The following AUTS2 variants were observed in gnomAD, a reference collection of about 807,000 sequenced individuals.
The protein encoded by AUTS2 is activator of transcription and developmental regulator AUTS2.
Under a neutral mutation model 112.4 loss-of-function variants are expected in AUTS2, and 17 were observed. The ratio of observed to expected loss-of-function variants is 0.15; its 90% CI spans 0.10 to 0.23. The LOEUF is 0.23. Ranked by LOEUF, AUTS2 falls within the 10% of genes least tolerant of loss-of-function variation. The pLI is 1.00. For missense variants in AUTS2, 1,510 were observed against 1,701.6 expected (o/e 0.89, Z 1.98); for synonymous variants, 751 against 702.7 (o/e 1.07, Z -1.09).
intron 2 of AUTS2, among the ~76,000 whole-genome samples, chr7:69,904,403 A>G (rs1332817118): frequency 5.9e-5 from 9 of 152,224 alleles, no homozygotes; most frequent in Admixed American, 5.9e-4. Flanking sequence ...AGATCTGCTA[A>G]TTAGTTTTGG....
intron 6 of AUTS2, among the ~76,000 whole-genome samples, chr7:70,749,077 G>A (rs991988384): frequency 3.9e-5 from 6 of 152,144 alleles, no homozygotes; most frequent in African/African-American, 2.4e-5. Flanking sequence ...TCGTGAATAT[G>A]TTGTTTTTGG....
At chr7:70,354,586 T>TA (rs1791907969) in intron 4 of AUTS2, among the ~76,000 whole-genome samples, 1 of 152,172 alleles carries the variant, frequency 6.6e-6, no homozygotes, top group Non-Finnish European at 1.5e-5. Context: ...CAGCATCACA[T>TA]GGCTGGTAAG....
intron 1 of AUTS2, among the ~76,000 whole-genome samples, chr7:69,801,235 A>C (rs17353815): frequency 6.7e-6 from 1 of 149,138 alleles, no homozygotes; most frequent in Non-Finnish European, 1.5e-5. Flanking sequence ...CTAGTTGCCA[A>C]TTTCAGCATT....
At chr7:70,036,603 C>T (rs1035454506) in intron 2 of AUTS2, among the ~76,000 whole-genome samples, 1 of 152,236 alleles carries the variant, frequency 6.6e-6, no homozygotes, top group South Asian at 2.1e-4. Context: ...TTCTTCTCCA[C>T]AGTCCTTTGG....
chr7:70,673,764 C>G (rs975288011), intron 5 of AUTS2, among the ~76,000 whole-genome samples: 6 of 152,142 alleles, frequency 3.9e-5, no homozygotes, highest in African/African-American at 7.2e-5. Flanking sequence ...ATCTTTATAT[C>G]CTGGTGCCAA....
chr7:70,088,777 T>A (rs529419250), intron 2 of AUTS2, among the ~76,000 whole-genome samples: 12 of 152,166 alleles, frequency 7.9e-5, no homozygotes, highest in African/African-American at 2.9e-4. Context: ...CATGCCCAGC[T>A]AATTTTTTGT....
Position 69,716,315 on chromosome 7 carries a change from C to T in AUTS2, c.309+116353C>T, listed in dbSNP as rs1449823615. Reference sequence around the variant, plus strand: ...CTCTGTCACAATCACATTTTTTTTTCACACCGCATTCCACCCTACTAATAC... The same window carrying T: ...CTCTGTCACAATCACATTTTTTTTTTACACCGCATTCCACCCTACTAATAC... On this transcript the variant is annotated intron_variant, in intron 1 of 18. Transcript: ENST00000342771. 5.3e-5 allele frequency among the ~76,000 whole-genome samples: 8 copies of T among 151,364 alleles called. No individual in the cohort carries two copies. In the East Asian group the frequency reaches 9.7e-4, roughly 18 times the overall value.
chr7:69,849,071 A>ACTGGGGAAGCTGAGG (rs1246333817), intron 1 of AUTS2, among the ~76,000 whole-genome samples: 1 of 152,136 alleles, frequency 6.6e-6, no homozygotes, highest in African/African-American at 2.4e-5. Flanking sequence ...AGTCCCAGCT[A>ACTGGGGAAGCTGAGG]CTGGGGAAGC....
At chr7:70,198,297 A>G (rs1468958183) in intron 4 of AUTS2, among the ~76,000 whole-genome samples, 1 of 149,868 alleles carries the variant, frequency 6.7e-6, no homozygotes, top group African/African-American at 2.4e-5. Flanking sequence ...TCCTCCTCCA[A>G]AGGAACGCAG....
chr7:70,310,568 G>A (rs1191931222), intron 4 of AUTS2, among the ~76,000 whole-genome samples: 2 of 151,220 alleles, frequency 1.3e-5, no homozygotes, highest in African/African-American at 2.4e-5. Context: ...AGCAGAGGTC[G>A]AGCCACTGCA....
chr7:70,211,542 G>A (rs1269440289), intron 4 of AUTS2, among the ~76,000 whole-genome samples: 1 of 151,504 alleles, frequency 6.6e-6, no homozygotes, highest in Non-Finnish European at 1.5e-5. Flanking sequence ...CCAGCTACTC[G>A]GAAGGCTGAG....
chr7:69,600,489 A>G (rs1036165047), intron 1 of AUTS2, among the ~76,000 whole-genome samples: 10 of 133,946 alleles, frequency 7.5e-5, no homozygotes, highest in African/African-American at 2.8e-4. Context: ...CTGGAGACTG[A>G]TGGGGTTTTG....
chr7:70,497,557 T>A (rs1347755614), intron 5 of AUTS2, among the ~76,000 whole-genome samples: 1 of 152,238 alleles, frequency 6.6e-6, no homozygotes, highest in East Asian at 1.9e-4. Flanking sequence ...AATATCCTCA[T>A]GCATGTGGAG....
chr7:70,486,848 A>G (rs1217749903), intron 5 of AUTS2, among the ~76,000 whole-genome samples: 2 of 148,874 alleles, frequency 1.3e-5, no homozygotes, highest in Non-Finnish European at 1.5e-5. Context: ...TGGTGGTGGT[A>G]GTGGTGGTAG....
intron 5 of AUTS2, among the ~76,000 whole-genome samples, chr7:70,472,382 T>TTC (rs397727940): frequency 3.3e-5 from 5 of 151,078 alleles, no homozygotes; most frequent in Admixed American, 1.3e-4. Flanking sequence ...TTTTTTTTTT[T>TTC]CCCAGTACCG....
At position 70,790,742 on chromosome 7, in the gene AUTS2, G is replaced by A. The variant is rs1309460944; in HGVS notation, c.3526G>A (p.Asp1176Asn). 11 of 1,613,264 alleles carry A rather than the reference G, an allele frequency of 6.8e-6. No homozygotes were observed. Among genetic ancestry groups the A allele is most frequent in the South Asian group, 1.1e-5 (1 of 91,044 alleles). ...CCACTCCGTGCACCCCGCCTCCCTCGACGGACACCTCCCCCACCCCAGCCT... is the reference window on the plus strand; with the variant it reads ...CCACTCCGTGCACCCCGCCTCCCTCAACGGACACCTCCCCCACCCCAGCCT... The part of the protein sequence containing the change: ...RLHSVHPASL[D>N]GHLPHPSLIT... The change falls in exon 19 of 19, where the codon GAC becomes AAC. Residue 1176 changes from aspartate (D) to asparagine (N), a missense_variant. Transcript: ENST00000342771. This position sits in a 1 kb window ranked among gnomAD's most constrained non-coding sequence, Gnocchi z 7.6.
chr7:70,732,889 T>A (rs1395818563), intron 6 of AUTS2, among the ~76,000 whole-genome samples: 1 of 152,230 alleles, frequency 6.6e-6, no homozygotes, highest in Admixed American at 6.5e-5. Context: ...AACACACACT[T>A]GAGGTAGATG....
intron 6 of AUTS2, among the ~76,000 whole-genome samples, chr7:70,737,977 C>T (rs1787867619): frequency 6.6e-6 from 1 of 151,940 alleles, no homozygotes; most frequent in Non-Finnish European, 1.5e-5. Flanking sequence ...TGGGAATTTA[C>T]AAAGCCCTCT....
Position 69,792,485 on chromosome 7 carries a change from C to T in AUTS2, c.310-106801C>T, listed in dbSNP as rs189512187. On this transcript the variant is annotated intron_variant, in intron 1 of 18. Coordinates refer to ENST00000342771, the MANE Select transcript of AUTS2 (RefSeq NM_015570.4). The stretch of plus-strand genomic sequence containing the variant: ...CGATCTCCTGACCTCGTGATCCACC[C>T]GCCTCAGCTTCCCAAAGTGCTGGGA... Among the ~76,000 whole-genome samples the T allele has an allele frequency of 1.1e-3, 161 of 152,214 alleles. 1 individual carries two copies. Among genetic ancestry groups the T allele is most frequent in the Admixed American group, 0.01 (155 of 15,288 alleles).
Sources: allele counts gnomAD v4.1 joint callset (sites outside exome capture counted in the v4.1 genomes callset), GRCh38; gene constraint gnomAD v4.1.1; non-coding constraint Gnocchi (gnomAD v3.1); transcripts MANE v1.5; gene names NCBI Gene and HGNC (gene_info 2026-07-23, HGNC 2026-07-21).